Variants in CACNA2D1 observed in about 807,000 individuals in gnomAD.
The protein encoded by CACNA2D1 is calcium voltage-gated channel auxiliary subunit alpha2delta 1.
A neutral mutation model predicts 171.5 loss-of-function variants in CACNA2D1; 53 were observed. That is an observed-to-expected ratio of 0.31 (90% CI 0.25 to 0.39). The LOEUF is 0.39. Ranked by LOEUF, CACNA2D1 falls within the 10% of genes least tolerant of loss-of-function variation. The pLI is 1.00. For synonymous variants in CACNA2D1, 442 were observed against 443.1 expected (o/e 1.00, Z 0.03); for missense variants, 903 against 1,299.8 (o/e 0.69, Z 4.69).
chr7:82,013,537 C>T, intron 13 of CACNA2D1, 27 bp from the exon 14 acceptor site: 2 of 807,328 alleles, frequency 2.5e-6, no homozygotes, highest in Non-Finnish European at 3.5e-6. Context: ...TGTTTTTATA[C>T]ATAAATGTTA....
intron 3 of CACNA2D1, among the ~76,000 whole-genome samples, chr7:82,252,695 T>A (rs1423671255): frequency 6.6e-6 from 1 of 151,982 alleles, no homozygotes; most frequent in African/African-American, 2.4e-5. Context: ...ATCGAGACCA[T>A]CTGGGCCAAC....
chr7:82,407,684 G>A (rs1286189803), intron 1 of CACNA2D1, among the ~76,000 whole-genome samples: 1 of 152,032 alleles, frequency 6.6e-6, no homozygotes, highest in Non-Finnish European at 1.5e-5. Context: ...CACAGCATCT[G>A]CACTTTACAT....
intron 24 of CACNA2D1, among the ~76,000 whole-genome samples, chr7:81,981,637 A>G (rs1010827267): frequency 4.6e-5 from 7 of 152,210 alleles, no homozygotes; most frequent in African/African-American, 1.7e-4. Flanking sequence ...CTAGATTAAT[A>G]GGAATTATAT....
intron 38 of CACNA2D1, among the ~76,000 whole-genome samples, chr7:81,952,307 G>A (rs1440392642): frequency 1.3e-5 from 2 of 152,090 alleles, no homozygotes; most frequent in East Asian, 3.9e-4. Flanking sequence ...AGCTCCCAAA[G>A]AATAAGAACT....
chr7:82,264,001 C>T (rs1279348087), intron 3 of CACNA2D1, among the ~76,000 whole-genome samples: 1 of 151,936 alleles, frequency 6.6e-6, no homozygotes, highest in South Asian at 2.1e-4. Flanking sequence ...AGGCCGTCAC[C>T]GTTTTTAAAA....
Position 82,007,725 on chromosome 7 carries a change from G to A in CACNA2D1, c.1394C>T (p.Pro465Leu), listed in dbSNP as rs369215125. Residue 465 changes from proline (P) to leucine (L), a missense_variant, in exon 16 of 39, where the codon CCG becomes CTG. Physicochemically the swap from Pro to Leu is moderately conservative, Grantham distance 98 (BLOSUM62 -3). Coordinates refer to ENST00000356860, the MANE Select transcript of CACNA2D1 (RefSeq NM_000722.4). ...AAATTGGCCGGTTATGTTGAAGACC[G>A]GAAGAGTTCCAGTAATGACAAGTCC... is the stretch of plus-strand genomic sequence containing the variant. ...ELGLVITGTL[P>L]VFNITGQFEN... The A allele has an allele frequency of 6.2e-7, 1 of 1,600,678 alleles. No homozygotes were observed. Among genetic ancestry groups the A allele is most frequent in the Non-Finnish European group, 8.6e-7 (1 of 1,168,276 alleles).
chr7:82,026,425 T>A (rs552802306), intron 12 of CACNA2D1, among the ~76,000 whole-genome samples: 7 of 151,762 alleles, frequency 4.6e-5, no homozygotes, highest in Admixed American at 3.3e-4. Context: ...AAAGTTTTTT[T>A]AAAAAGTTGC....
In CACNA2D1 at chr7:82,311,372, G is replaced by GA. The variant is rs541125505; in HGVS notation, c.294+23762dup. On this transcript the variant is annotated intron_variant, in intron 3 of 38. Coordinates refer to ENST00000356860, the MANE Select transcript of CACNA2D1 (RefSeq NM_000722.4). ...TTTCTAAAACTCCAATACAAAAAAA[G>GA]AAAAAAAAAACTAGACTCATAAAAT... Among the ~76,000 whole-genome samples the GA allele has an allele frequency of 3.2e-4, 46 of 145,458 alleles. No individual in the cohort carries two copies. In the South Asian group the frequency reaches 4.6e-3, roughly 14 times the overall value.
At chr7:81,953,897 T>C (rs770276415) in intron 38 of CACNA2D1, among the ~76,000 whole-genome samples, 73 of 152,276 alleles carry the variant, frequency 4.8e-4, no homozygotes, top group Admixed American at 1.2e-3. Context: ...TATATAATTT[T>C]TGTTTAATTT....
At chr7:82,261,213 C>T (rs1032451177) in intron 3 of CACNA2D1, among the ~76,000 whole-genome samples, 42 of 152,314 alleles carry the variant, frequency 2.8e-4, no homozygotes, top group African/African-American at 8.9e-4. Context: ...CCTCGGCCTC[C>T]CACAGTGCTG....
chr7:82,040,205 A>G (rs1803766027), intron 10 of CACNA2D1, among the ~76,000 whole-genome samples: 1 of 152,138 alleles, frequency 6.6e-6, no homozygotes, highest in Non-Finnish European at 1.5e-5. Flanking sequence ...TTGGTGGTGG[A>G]TTTAGCAGGA....
chr7:82,244,680 C>T (rs1563251317), intron 3 of CACNA2D1, among the ~76,000 whole-genome samples: 1 of 151,968 alleles, frequency 6.6e-6, no homozygotes, highest in Non-Finnish European at 1.5e-5. Context: ...GTTATGATTA[C>T]AAAAATAATC....
chr7:82,267,219 A>G (rs1358474649), intron 3 of CACNA2D1, among the ~76,000 whole-genome samples: 1 of 152,240 alleles, frequency 6.6e-6, no homozygotes, highest in Non-Finnish European at 1.5e-5. Context: ...GAAAAAGGCT[A>G]TACTATGGTT....
At chr7:82,341,102 G>C (rs1818576506) in intron 2 of CACNA2D1, among the ~76,000 whole-genome samples, 1 of 151,684 alleles carries the variant, frequency 6.6e-6, no homozygotes, top group South Asian at 2.1e-4. Flanking sequence ...AGTATTCCTT[G>C]GGCTTTCGAA....
intron 9 of CACNA2D1, among the ~76,000 whole-genome samples, chr7:82,063,861 AT>A (rs1177856743): frequency 1.2e-3 from 175 of 144,368 alleles, no homozygotes; most frequent in East Asian, 3.6e-3. Context: ...AAAGTCCCAG[AT>A]TTTTTTTTTT....
intron 6 of CACNA2D1, among the ~76,000 whole-genome samples, 189 bp from the exon 7 acceptor site, chr7:82,085,089 C>A (rs1452522131): frequency 1.3e-5 from 2 of 152,142 alleles, no homozygotes; most frequent in Non-Finnish European, 1.5e-5. Flanking sequence ...CCAACATGTA[C>A]ATAGTATTCA....
chr7:82,385,526 T>C (rs541601364), intron 1 of CACNA2D1, among the ~76,000 whole-genome samples: 10 of 152,232 alleles, frequency 6.6e-5, no homozygotes, highest in Non-Finnish European at 1.0e-4. Flanking sequence ...GAACCTGTTG[T>C]TTTAATGCTA....
chr7:82,080,351 T>C (rs1295030237), intron 7 of CACNA2D1, among the ~76,000 whole-genome samples: 2 of 152,028 alleles, frequency 1.3e-5, no homozygotes, highest in Non-Finnish European at 2.9e-5. Context: ...AAAATAAAAA[T>C]AGGTAGCTTA....
intron 1 of CACNA2D1, among the ~76,000 whole-genome samples, chr7:82,380,549 T>G (rs1823581379): frequency 1.3e-5 from 2 of 152,208 alleles, no homozygotes; most frequent in African/African-American, 4.8e-5. Flanking sequence ...GGGAAGGGCC[T>G]CCATTCAATA....
Sources: allele counts gnomAD v4.1 joint callset (sites outside exome capture counted in the v4.1 genomes callset), GRCh38; gene constraint gnomAD v4.1.1; transcripts MANE v1.5; gene names NCBI Gene and HGNC (gene_info 2026-07-23, HGNC 2026-07-21).